GRM7: variants seen among roughly 807,000 people sequenced by gnomAD.
The protein encoded by GRM7 is glutamate metabotropic receptor 7.
In GRM7, 35 loss-of-function variants were observed where a neutral mutation model predicts 84.5. The observed-to-expected ratio is 0.41, with a 90% CI of 0.32 to 0.55. GRM7 has a LOEUF of 0.55. GRM7 is among the 20% of genes least tolerant of loss of function. The pLI is 0.19. For missense variants in GRM7, 1,003 were observed against 1,194.6 expected (o/e 0.84, Z 2.36); for synonymous variants, 487 against 455.1 (o/e 1.07, Z -0.89).
intron 4 of GRM7, among the ~76,000 whole-genome samples, chr3:7,380,924 A>T (rs567680886): frequency 1.5e-4 from 23 of 152,270 alleles, no homozygotes; most frequent in Non-Finnish European, 2.8e-4. Context: ...TCTCTGAAAA[A>T]TTTCTATTAA....
intron 2 of GRM7, among the ~76,000 whole-genome samples, chr3:7,245,627 T>C (rs1224433998): frequency 6.6e-6 from 1 of 151,890 alleles, no homozygotes; most frequent in Non-Finnish European, 1.5e-5. Context: ...CTGTCAAATA[T>C]GAAAGTTGGA....
intron 4 of GRM7, among the ~76,000 whole-genome samples, chr3:7,355,535 T>C (rs948282586): frequency 6.6e-6 from 1 of 152,108 alleles, no homozygotes; most frequent in Admixed American, 6.6e-5. Context: ...AGCAAAGAAC[T>C]GCCGTCATTT....
At chr3:7,728,015 G>C (rs149218536) in intron 9 of GRM7, among the ~76,000 whole-genome samples, 31 of 152,118 alleles carry the variant, frequency 2.0e-4, no homozygotes, top group Non-Finnish European at 4.1e-4. Flanking sequence ...TCCTAGCCAG[G>C]AATCTTTCTG....
At chr3:7,476,354 T>C (rs1378872485) in intron 7 of GRM7, among the ~76,000 whole-genome samples, 2 of 152,272 alleles carry the variant, frequency 1.3e-5, no homozygotes, top group African/African-American at 2.4e-5. Flanking sequence ...AAGACCATCC[T>C]GGCTAACATG....
chr3:7,408,199 ATATT>A (rs1365239705), intron 4 of GRM7, among the ~76,000 whole-genome samples: 2 of 152,188 alleles, frequency 1.3e-5, no homozygotes. Context: ...GTTTATATCT[ATATT>A]TATTCCCATA....
chr3:7,698,894 T>A (rs1046210181), intron 9 of GRM7, among the ~76,000 whole-genome samples: 2 of 152,130 alleles, frequency 1.3e-5, no homozygotes, highest in African/African-American at 4.8e-5. Context: ...CTGAAAGCTA[T>A]GGGAATGTAC....
chr3:7,054,679 T>C (rs183345969), intron 1 of GRM7, among the ~76,000 whole-genome samples: 119 of 152,092 alleles, frequency 7.8e-4, no homozygotes, highest in Non-Finnish European at 1.5e-3. Context: ...TTTCTGCATA[T>C]ATGGAATTGA....
At chr3:6,996,052 A>T (rs963864698) in intron 1 of GRM7, among the ~76,000 whole-genome samples, 1 of 144,940 alleles carries the variant, frequency 6.9e-6, no homozygotes, top group African/African-American at 2.4e-5. Flanking sequence ...ATAATTCTAC[A>T]ATATATTTTT....
At chr3:7,602,850 C>CTGAT (rs951650986) in intron 8 of GRM7, among the ~76,000 whole-genome samples, 2 of 152,122 alleles carry the variant, frequency 1.3e-5, no homozygotes, top group Non-Finnish European at 2.9e-5. Context: ...ATCACTACCA[C>CTGAT]TGATTAGTAA....
At chr3:7,454,102 T>A (rs1314556995) in intron 6 of GRM7, among the ~76,000 whole-genome samples, 310 of 82,188 alleles carry the variant, frequency 3.8e-3, no homozygotes, top group South Asian at 0.013. Flanking sequence ...TCTCTCTCTC[T>A]CTCTCTCTCT....
At chr3:7,738,378 A>G (rs532054144) in intron 9 of GRM7, among the ~76,000 whole-genome samples, 3 of 152,304 alleles carry the variant, frequency 2.0e-5, no homozygotes, top group Admixed American at 6.5e-5. Context: ...AATGGAGATC[A>G]TAAACAGTGC....
intron 4 of GRM7, among the ~76,000 whole-genome samples, chr3:7,406,877 G>A (rs975980529): frequency 2.0e-5 from 3 of 152,164 alleles, no homozygotes; most frequent in Non-Finnish European, 2.9e-5. Context: ...GTTGGCAAGT[G>A]CCAATATGTA....
At chr3:7,474,221 A>G (rs1303543675) in intron 7 of GRM7, among the ~76,000 whole-genome samples, 1 of 152,104 alleles carries the variant, frequency 6.6e-6, no homozygotes, top group East Asian at 1.9e-4. Context: ...ACAATTCCAT[A>G]ATTGGTGCTA....
At chr3:7,282,407 C>G (rs1699284619) in intron 2 of GRM7, among the ~76,000 whole-genome samples, 1 of 152,178 alleles carries the variant, frequency 6.6e-6, no homozygotes, top group Non-Finnish European at 1.5e-5. Flanking sequence ...TGGCTCTCGC[C>G]TATCCACAAA....
At chr3:7,613,884 T>G (rs560779531) in intron 8 of GRM7, among the ~76,000 whole-genome samples, 2 of 152,322 alleles carry the variant, frequency 1.3e-5, no homozygotes, top group African/African-American at 4.8e-5. Flanking sequence ...ATACCACTGT[T>G]GTTTAACTTG....
intron 2 of GRM7, among the ~76,000 whole-genome samples, chr3:7,179,417 G>A (rs555395510): frequency 6.6e-6 from 1 of 152,292 alleles, no homozygotes; most frequent in Non-Finnish European, 1.5e-5. Flanking sequence ...TTTCTCTCTG[G>A]ATAGTCACAG....
intron 8 of GRM7, among the ~76,000 whole-genome samples, chr3:7,628,424 C>A (rs777285867): frequency 6.6e-6 from 1 of 152,176 alleles, no homozygotes; most frequent in Non-Finnish European, 1.5e-5. Context: ...GCAATCATTG[C>A]AAACTAGTCT....
chr3:6,888,664 A>G (rs1269233093), intron 1 of GRM7, among the ~76,000 whole-genome samples: 3 of 152,038 alleles, frequency 2.0e-5, no homozygotes, highest in African/African-American at 2.4e-5. Context: ...GTCAGGTAGC[A>G]TGATGCCTCC....
At chr3:7,646,001 T>C (rs1016974514) in intron 8 of GRM7, among the ~76,000 whole-genome samples, 3 of 152,158 alleles carry the variant, frequency 2.0e-5, no homozygotes, top group South Asian at 2.1e-4. Flanking sequence ...TTTAAAGATC[T>C]ATCAGAATAT....
Sources: allele counts gnomAD v4.1 joint callset (sites outside exome capture counted in the v4.1 genomes callset), GRCh38; gene constraint gnomAD v4.1.1; transcripts MANE v1.5; gene names NCBI Gene and HGNC (gene_info 2026-07-23, HGNC 2026-07-21).